The following PVT1 variants were observed in gnomAD, a reference collection of about 807,000 sequenced individuals.
The protein encoded by PVT1 is CXCR4/PVT1 fusion.
At chr8:127,817,971 TGTTTA>T (rs1223753542) in intron 2 of PVT1, among the ~76,000 whole-genome samples, 2 of 152,112 alleles carry the variant, frequency 1.3e-5, no homozygotes, top group Non-Finnish European at 2.9e-5. Context: ...TTCCTGTTGG[TGTTTA>T]AAGATCACTT....
chr8:127,858,206 C>G (rs1815181453), intron 2 of PVT1, among the ~76,000 whole-genome samples: 1 of 152,040 alleles, frequency 6.6e-6, no homozygotes. Context: ...GCCGGTCCAA[C>G]ATGGTGAAAT....
At chr8:128,060,950 C>T (rs1483413693) in intron 4 of PVT1, among the ~76,000 whole-genome samples, 2 of 147,178 alleles carry the variant, frequency 1.4e-5, no homozygotes, top group Admixed American at 6.8e-5. Context: ...CTCTCTGTCA[C>T]CCAGGCTGTA....
chr8:127,859,886 A>T (rs1586410291), intron 2 of PVT1, among the ~76,000 whole-genome samples: 2 of 151,876 alleles, frequency 1.3e-5, no homozygotes, highest in Admixed American at 1.3e-4. Flanking sequence ...TGTCTCTACA[A>T]GCAGAGAGGC....
At chr8:127,866,983 T>C (rs919720421) in intron 2 of PVT1, among the ~76,000 whole-genome samples, 1 of 152,254 alleles carries the variant, frequency 6.6e-6, no homozygotes, top group African/African-American at 2.4e-5. Context: ...ACTGATTCAC[T>C]GTAGAGGATG....
chr8:128,052,548 T>C (rs1297474442), intron 4 of PVT1, among the ~76,000 whole-genome samples: 1 of 152,232 alleles, frequency 6.6e-6, no homozygotes, highest in Non-Finnish European at 1.5e-5. Flanking sequence ...AATTGCTGTT[T>C]CTATGAAGGG....
chr8:128,051,572 A>G (rs1813696014), intron 4 of PVT1, among the ~76,000 whole-genome samples: 1 of 152,048 alleles, frequency 6.6e-6, no homozygotes, highest in Non-Finnish European at 1.5e-5. Flanking sequence ...TTGAGTTCCC[A>G]TAATGTGTAT....
chr8:128,007,868 A>C (rs771852454), intron 4 of PVT1, among the ~76,000 whole-genome samples: 13 of 152,232 alleles, frequency 8.5e-5, no homozygotes, highest in Non-Finnish European at 1.8e-4. Context: ...TTCACTCCAC[A>C]AACCACTGTC....
intron 3 of PVT1, among the ~76,000 whole-genome samples, chr8:127,954,415 C>G (rs1816544894): frequency 6.6e-6 from 1 of 151,896 alleles, no homozygotes; most frequent in African/African-American, 2.4e-5. Flanking sequence ...CGGCCTCAGC[C>G]TCCCCAGTAG....
intron 3 of PVT1, among the ~76,000 whole-genome samples, chr8:127,970,856 G>T (rs951849247): frequency 6.6e-5 from 10 of 152,190 alleles, no homozygotes; most frequent in Admixed American, 3.3e-4. Context: ...AATGAAAACA[G>T]AGCAGGTTAT....
intron 2 of PVT1, among the ~76,000 whole-genome samples, chr8:127,875,440 C>T (rs1157578175): frequency 6.6e-6 from 1 of 151,974 alleles, no homozygotes; most frequent in Non-Finnish European, 1.5e-5. Flanking sequence ...AGGAATACTT[C>T]ATCATTAGAC....
intron 2 of PVT1, among the ~76,000 whole-genome samples, chr8:127,812,216 CAGGAAGGCAGGAAGGCAGGAAGGA>C (rs1488421261): frequency 3.2e-5 from 4 of 126,972 alleles, no homozygotes; most frequent in Non-Finnish European, 6.4e-5. Context: ...GGAGGAAAGG[CAGGAAGGCAGGAAGGCAGGAAGGA>C]AGGAAGGCAG....
intron 3 of PVT1, among the ~76,000 whole-genome samples, chr8:127,951,522 G>A (rs1043255294): frequency 6.6e-6 from 1 of 152,156 alleles, no homozygotes; most frequent in East Asian, 1.9e-4. Flanking sequence ...GAAAGGTCTT[G>A]AGATTAGAGC....
chr8:128,098,112 C>A (rs1246687945), intron 6 of PVT1, among the ~76,000 whole-genome samples: 1 of 152,156 alleles, frequency 6.6e-6, no homozygotes, highest in African/African-American at 2.4e-5. Flanking sequence ...GTCCCCTCTA[C>A]TCTCTGCCTT....
chr8:127,940,270 T>G (rs1816331599), intron 3 of PVT1: 1 of 152,116 alleles, frequency 6.6e-6, no homozygotes, highest in Non-Finnish European at 1.5e-5. Flanking sequence ...AAATAATAAC[T>G]GCATTTTTTT....
At chr8:127,848,581 G>C (rs141904167) in intron 2 of PVT1, among the ~76,000 whole-genome samples, 6,644 of 152,294 alleles carry the variant, frequency 0.044, 521 homozygotes, top group African/African-American at 0.15. Flanking sequence ...TACTTGGGAG[G>C]CTGAGGCAGG....
intron 4 of PVT1, among the ~76,000 whole-genome samples, chr8:128,002,181 A>C (rs535049592): frequency 6.2e-4 from 95 of 152,318 alleles, no homozygotes; most frequent in African/African-American, 2.1e-3. Flanking sequence ...AAATGAGTGA[A>C]AGACCTGGAT....
chr8:127,910,128 A>G (rs148709521), intron 3 of PVT1, among the ~76,000 whole-genome samples: 1 of 152,270 alleles, frequency 6.6e-6, no homozygotes, highest in Non-Finnish European at 1.5e-5. Flanking sequence ...TCAGCTCTGT[A>G]CATGTGCTGG....
chr8:127,807,053 C>T (rs2129652753), intron 2 of PVT1, among the ~76,000 whole-genome samples: 1 of 152,318 alleles, frequency 6.6e-6, no homozygotes, highest in East Asian at 1.9e-4. Flanking sequence ...TGTTCAGCAG[C>T]TCCGCTAGTG....
At chr8:128,055,267 T>G (rs1249565212) in intron 4 of PVT1, among the ~76,000 whole-genome samples, 29 of 152,340 alleles carry the variant, frequency 1.9e-4, no homozygotes. Context: ...TGTTTTATTT[T>G]TATTTTAAAA....
Sources: gnomAD v4.1 joint callset for allele counts (sites outside exome capture counted in the v4.1 genomes callset) on GRCh38, gnomAD v4.1.1 for gene constraint, MANE v1.5 for transcripts, NCBI Gene and HGNC (gene_info 2026-07-23, HGNC 2026-07-21) for gene names.